Variants in PGM5 observed in about 807,000 individuals in gnomAD.
PGM5 encodes the protein phosphoglucomutase-like protein 5.
Under a neutral mutation model 59.2 loss-of-function variants are expected in PGM5, and 23 were observed. That is an observed-to-expected ratio of 0.39 (90% CI 0.28 to 0.55). The LOEUF is 0.55. PGM5 is among the 20% of genes least tolerant of loss of function. PGM5 has a pLI of 0.66. For missense variants in PGM5, 574 were observed against 748.3 expected (o/e 0.77, Z 2.72); for synonymous variants, 214 against 286.0 (o/e 0.75, Z 2.54).
chr9:68,360,989 G>T (rs1418307568), intron 1 of PGM5, among the ~76,000 whole-genome samples: 1 of 152,176 alleles, frequency 6.6e-6, no homozygotes, highest in Admixed American at 6.6e-5. Flanking sequence ...AACAATCATA[G>T]CTCATTGCAG....
At chr9:68,507,762 T>G (rs28659862) in intron 10 of PGM5, among the ~76,000 whole-genome samples, 2,782 of 152,234 alleles carry the variant, frequency 0.018, 75 homozygotes, top group African/African-American at 0.061. Flanking sequence ...TCTGCTTAGA[T>G]GAGTACTTTC....
At chr9:68,424,417 G>A (rs1332434937) in intron 6 of PGM5, among the ~76,000 whole-genome samples, 2 of 152,178 alleles carry the variant, frequency 1.3e-5, no homozygotes, top group Non-Finnish European at 2.9e-5. Flanking sequence ...TCACATGGTG[G>A]AAGGGGCAAG....
intron 6 of PGM5, among the ~76,000 whole-genome samples, chr9:68,417,936 G>A (rs1338246739): frequency 2.0e-5 from 3 of 152,186 alleles, no homozygotes; most frequent in African/African-American, 7.2e-5. Context: ...ACTGTTCCCT[G>A]TGTGCCTTAC....
At chr9:68,400,809 A>G (rs1822648590) in intron 6 of PGM5, 1 of 152,590 alleles carries the variant, frequency 6.6e-6, no homozygotes, top group South Asian at 2.1e-4. Context: ...AGCTTAATCA[A>G]TGTGAGATGA....
chr9:68,477,498 A>G (rs1368320605), intron 7 of PGM5, among the ~76,000 whole-genome samples: 4 of 152,144 alleles, frequency 2.6e-5, no homozygotes, highest in Non-Finnish European at 5.9e-5. Flanking sequence ...TTTTCCATGT[A>G]TGTTTTGTAG....
At chr9:68,454,632 T>C (rs1564009852) in intron 6 of PGM5, among the ~76,000 whole-genome samples, 1 of 152,166 alleles carries the variant, frequency 6.6e-6, no homozygotes, top group Non-Finnish European at 1.5e-5. Context: ...CATATTATCA[T>C]TCCATTTTGT....
intron 10 of PGM5, among the ~76,000 whole-genome samples, chr9:68,503,992 A>C (rs1038926641): frequency 1.3e-5 from 2 of 152,212 alleles, no homozygotes; most frequent in Non-Finnish European, 2.9e-5. Context: ...CATTTCTAAC[A>C]AGCTCCCAGG....
At chr9:68,512,300 G>A (rs1824762151) in intron 10 of PGM5, among the ~76,000 whole-genome samples, 1 of 152,202 alleles carries the variant, frequency 6.6e-6, no homozygotes, top group South Asian at 2.1e-4. Context: ...CAGAAAAACT[G>A]GTCCCTTGGA....
chr9:68,413,120 C>T (rs1157748285), intron 6 of PGM5, among the ~76,000 whole-genome samples: 1 of 152,208 alleles, frequency 6.6e-6, no homozygotes, highest in Non-Finnish European at 1.5e-5. Context: ...CATAACAAAG[C>T]AGCATTACTT....
At chr9:68,512,401 G>A (rs1554689437) in intron 10 of PGM5, among the ~76,000 whole-genome samples, 2 of 152,178 alleles carry the variant, frequency 1.3e-5, no homozygotes, top group African/African-American at 2.4e-5. Context: ...ATATAACAAA[G>A]TACCACAAAC....
intron 6 of PGM5, among the ~76,000 whole-genome samples, chr9:68,414,800 A>G (rs412057): frequency 0.97 from 132,676 of 136,544 alleles, 64,645 homozygotes; most frequent in East Asian, 1. Context: ...GAGGTATTTG[A>G]AGAGTGCATT....
chr9:68,456,667 C>G (rs1456867521), intron 6 of PGM5, among the ~76,000 whole-genome samples: 5 of 148,462 alleles, frequency 3.4e-5, no homozygotes, highest in Non-Finnish European at 5.9e-5. Flanking sequence ...CTCTGTCACC[C>G]AGGCTGGAGT....
At chr9:68,466,045 G>A (rs1823928870) in intron 7 of PGM5, 1 of 775,762 alleles carries the variant, frequency 1.3e-6, no homozygotes, top group South Asian at 1.7e-5. Flanking sequence ...CCCATTCTTT[G>A]TCTCTTGTCC....
At chr9:68,461,324 T>C (rs911230780) in intron 6 of PGM5, among the ~76,000 whole-genome samples, 1 of 152,162 alleles carries the variant, frequency 6.6e-6, no homozygotes, top group Admixed American at 6.5e-5. Context: ...TTGAGTTTCA[T>C]TGGCTAGAAC....
chr9:68,399,801 C>G (rs1206152171), intron 6 of PGM5, among the ~76,000 whole-genome samples: 3 of 152,128 alleles, frequency 2.0e-5, no homozygotes, highest in African/African-American at 7.2e-5. Flanking sequence ...AAATTGTTAT[C>G]AGTAGACAGA....
chr9:68,518,576 T>C (rs1824855577), intron 10 of PGM5, among the ~76,000 whole-genome samples: 2 of 152,178 alleles, frequency 1.3e-5, no homozygotes, highest in South Asian at 4.1e-4. Context: ...CACCAAGATG[T>C]TGAAATTAAA....
chr9:68,386,282 C>A (rs1164055138), intron 3 of PGM5, among the ~76,000 whole-genome samples: 1 of 151,956 alleles, frequency 6.6e-6, no homozygotes, highest in African/African-American at 2.4e-5. Context: ...CCATTTTAAC[C>A]ATTGTTAGGT....
At chr9:68,387,650 G>A (rs1407470445) in intron 4 of PGM5, 62 bp downstream of exon 4, 23 of 1,507,844 alleles carry the variant, frequency 1.5e-5, no homozygotes, top group Non-Finnish European at 2.0e-5. Flanking sequence ...ACACCTGTTG[G>A]GTTTCAGAGG....
At chr9:68,468,319 CTT>C (rs148606433) in intron 7 of PGM5, among the ~76,000 whole-genome samples, 20 of 152,216 alleles carry the variant, frequency 1.3e-4, no homozygotes, top group African/African-American at 4.8e-4. Context: ...TACTTAGAGT[CTT>C]ATATATTGTA....
Sources: gnomAD v4.1 joint callset for allele counts (sites outside exome capture counted in the v4.1 genomes callset) on GRCh38, gnomAD v4.1.1 for gene constraint, MANE v1.5 for transcripts, NCBI Gene and HGNC (gene_info 2026-07-23, HGNC 2026-07-21) for gene names.